The following NUTF2 variants were observed in gnomAD, a reference collection of about 807,000 sequenced individuals.
NUTF2 encodes placental protein 15.
A neutral mutation model predicts 18.5 loss-of-function variants in NUTF2; 3 were observed. The ratio of observed to expected loss-of-function variants is 0.16; its 90% CI spans 0.07 to 0.42. The LOEUF is 0.42. Among genes scored for constraint, NUTF2 ranks in the 10% least tolerant of loss-of-function variants. The pLI, the probability that NUTF2 is intolerant of heterozygous loss-of-function variation, is 0.99. For synonymous variants in NUTF2, 51 were observed against 57.9 expected (o/e 0.88, Z 0.54); for missense variants, 44 against 160.7 (o/e 0.27, Z 3.93).
intron 1 of NUTF2, among the ~76,000 whole-genome samples, chr16:67,864,278 A>G (rs2057954021): frequency 2.0e-5 from 3 of 152,216 alleles, no homozygotes; most frequent in African/African-American, 7.2e-5. Flanking sequence ...TGGGAGGCCA[A>G]GGCGGGTGGA....
chr16:67,850,415 C>T (rs1469960030), intron 1 of NUTF2, among the ~76,000 whole-genome samples: 1 of 151,712 alleles, frequency 6.6e-6, no homozygotes, highest in Non-Finnish European at 1.5e-5. Context: ...ACCATGTCAG[C>T]CAGGATGGTC....
rs2057962079 is a variant in NUTF2 at position 67,865,194 on chromosome 16, T to C, written c.64T>C (p.Phe22Leu). The part of the protein sequence containing the change: ...SSFIQHYYQL[F>L]DNDRTQLGAI... ...CTTCATTCAACATTACTACCAGTTA[T>C]TTGATAATGATAGAACCCAACTAGG... Residue 22 changes from phenylalanine (F) to leucine (L), a missense_variant, in exon 2 of 5, where the codon TTT becomes CTT. Physicochemically the swap from Phe to Leu is conservative, Grantham distance 22 (BLOSUM62 0). Coordinates refer to ENST00000219169, the MANE Select transcript of NUTF2 (RefSeq NM_005796.3). The C allele has an allele frequency of 6.2e-7, 1 of 1,613,382 alleles. No individual in the cohort carries two copies. Among genetic ancestry groups the C allele is most frequent in the South Asian group, 1.1e-5 (1 of 91,072 alleles).
intron 1 of NUTF2, among the ~76,000 whole-genome samples, chr16:67,851,298 T>C (rs561092642): frequency 6.6e-6 from 1 of 151,598 alleles, no homozygotes; most frequent in South Asian, 2.1e-4. Flanking sequence ...TTGGCCAATA[T>C]AGTGAAACTC....
intron 1 of NUTF2, among the ~76,000 whole-genome samples, 172 bp from the exon 2 acceptor site, chr16:67,864,930 T>C (rs559266891): frequency 6.6e-6 from 1 of 152,256 alleles, no homozygotes; most frequent in East Asian, 1.9e-4. Flanking sequence ...CTCCTAGCAC[T>C]GGTCTGGCTT....
intron 2 of NUTF2, among the ~76,000 whole-genome samples, chr16:67,865,854 G>A (rs1177244555): frequency 6.6e-6 from 1 of 151,984 alleles, no homozygotes; most frequent in African/African-American, 2.4e-5. Flanking sequence ...GAGTAGCTGG[G>A]ATTACAGGCG....
In NUTF2 at chr16:67,871,703, AGGCCCTCCGGGCTGAGTTGT is replaced by A. The variant is rs2058014651; in HGVS notation, c.*791_*810del. The stretch of plus-strand genomic sequence containing the variant: ...CTTGGCAAAATGGCTCATCACGTTC[AGGCCCTCCGGGCTGAGTTGT>A]CAGCAGTATCAAGGGAGGGGCCTGC... On this transcript the variant is annotated 3_prime_UTR_variant, in exon 5 of 5. Coordinates refer to ENST00000219169, the MANE Select transcript of NUTF2 (RefSeq NM_005796.3). 6.6e-6 allele frequency: 1 copy of A among 152,344 alleles called. No individual in the cohort carries two copies. The highest frequency in any genetic ancestry group is 2.4e-5 in the African/African-American group (1 of 41,470). 9.4% of individuals were successfully genotyped at this position (152,344 alleles called of 1,614,324 possible).
In NUTF2 at chr16:67,871,003, AC is replaced by A; in HGVS notation, c.*91del. On this transcript the variant is annotated 3_prime_UTR_variant, in exon 5 of 5. Transcript: ENST00000219169. ...CCTCCAGATGCTCCAAATATCATGC[AC>A]AAATGAGCAGGGCCGCGGTGGGAGT... The A allele has an allele frequency of 3.0e-6, 3 of 1,010,030 alleles. No homozygotes were observed. Among genetic ancestry groups the A allele is most frequent in the Non-Finnish European group, 4.6e-6 (3 of 647,236 alleles). The allele number at this position is 1,010,030 out of a possible 1,614,324, so 62.6% of individuals were successfully genotyped here. A position where few individuals can be genotyped will look rare whatever the true frequency, so the allele number is the denominator to read the frequency against.
intron 1 of NUTF2, among the ~76,000 whole-genome samples, chr16:67,852,298 GTCTC>G (rs2057865602): frequency 6.6e-6 from 1 of 150,810 alleles, no homozygotes; most frequent in South Asian, 2.1e-4. Context: ...GCAAGACCCT[GTCTC>G]CAAAAAAAAG....
intron 1 of NUTF2, among the ~76,000 whole-genome samples, chr16:67,848,720 C>T (rs975757584): frequency 7.5e-5 from 11 of 146,942 alleles, no homozygotes; most frequent in Non-Finnish European, 1.2e-4. Flanking sequence ...CCAGCCTGGG[C>T]GACAGAGCAA....
Position 67,870,797 on chromosome 16 carries a change from T to C in NUTF2, c.271-3T>C. The stretch of plus-strand genomic sequence containing the variant: ...TACTGAATCCTCTTTTCTCTCCTCA[T>C]AGGCGGATGAAGACCCCATCATGGG... On this transcript the variant is annotated splice_polypyrimidine_tract_variant and splice_region_variant and intron_variant, in intron 4 of 4. Transcript: ENST00000219169. The C allele has an allele frequency of 6.2e-7, 1 of 1,608,998 alleles. No homozygotes were observed. The highest frequency in any genetic ancestry group is 8.5e-7 in the Non-Finnish European group (1 of 1,175,386).
At chr16:67,861,145 A>C (rs1187783631) in intron 1 of NUTF2, among the ~76,000 whole-genome samples, 1 of 152,198 alleles carries the variant, frequency 6.6e-6, no homozygotes, top group Non-Finnish European at 1.5e-5. Context: ...TGGTCAGTCC[A>C]ATTCCACCAC....
At chr16:67,854,179 G>C (rs773958279) in intron 1 of NUTF2, among the ~76,000 whole-genome samples, 5 of 152,174 alleles carry the variant, frequency 3.3e-5, no homozygotes, top group Non-Finnish European at 7.3e-5. Flanking sequence ...TTGATCTCTT[G>C]AACTCTTGGT....
At chr16:67,855,907 A>C in intron 1 of NUTF2, 1 of 496,380 alleles carries the variant, frequency 2.0e-6, no homozygotes, top group Non-Finnish European at 3.5e-6. Context: ...GGATGGGGGA[A>C]ATGAGAATAA....
At chr16:67,853,438 T>A (rs1270836893) in intron 1 of NUTF2, among the ~76,000 whole-genome samples, 1 of 152,088 alleles carries the variant, frequency 6.6e-6, no homozygotes, top group Non-Finnish European at 1.5e-5. Context: ...GCTCACAGCA[T>A]CCTCCACCTT....
At chr16:67,858,236 C>T (rs543525343) in intron 1 of NUTF2, among the ~76,000 whole-genome samples, 8 of 152,202 alleles carry the variant, frequency 5.3e-5, no homozygotes, top group Non-Finnish European at 1.0e-4. Flanking sequence ...GGCATGATCT[C>T]GGCTCACTAC....
At chr16:67,863,137 C>T (rs2057945769) in intron 1 of NUTF2, among the ~76,000 whole-genome samples, 1 of 152,190 alleles carries the variant, frequency 6.6e-6, no homozygotes, top group Non-Finnish European at 1.5e-5. Flanking sequence ...CAGTGTCTGA[C>T]CTCTTGGAAA....
Position 67,850,205 on chromosome 16 carries a change from C to CTTT in NUTF2, c.-30+3222_-30+3223insTTT, listed in dbSNP as rs768001106. Among the ~76,000 whole-genome samples, 49 of 149,796 alleles carry CTTT rather than the reference C, an allele frequency of 3.3e-4. 1 individual carries two copies. Among genetic ancestry groups the CTTT allele is most frequent in the Non-Finnish European group, 4.6e-4 (31 of 67,634 alleles). On this transcript the variant is annotated intron_variant, in intron 1 of 4. Coordinates refer to ENST00000219169, the MANE Select transcript of NUTF2 (RefSeq NM_005796.3). ...TCCAACCTCTAGAAGTTCCCTGTAA[C>CTTT]TTCTTTTTTTTTTTTTTGAGATGGA... is the stretch of plus-strand genomic sequence containing the variant.
chr16:67,868,899 A>G, intron 4 of NUTF2: 1 of 286,280 alleles, frequency 3.5e-6, no homozygotes, highest in South Asian at 3.6e-5. Flanking sequence ...GAAAAGGGAG[A>G]AGTATAGGAG....
At chr16:67,856,571 T>A (rs528988304) in intron 1 of NUTF2, among the ~76,000 whole-genome samples, 1 of 151,346 alleles carries the variant, frequency 6.6e-6, no homozygotes. Context: ...TGCAGTGGCG[T>A]GATCCTGGCT....
Sources: gnomAD v4.1 joint callset for allele counts (sites outside exome capture counted in the v4.1 genomes callset) on GRCh38, gnomAD v4.1.1 for gene constraint, MANE v1.5 for transcripts, NCBI Gene and HGNC (gene_info 2026-07-23, HGNC 2026-07-21) for gene names.